The following SLC39A11 variants were observed in gnomAD, a reference collection of about 807,000 sequenced individuals.
The protein encoded by SLC39A11 is solute carrier family 39 member 11.
In SLC39A11, 33 loss-of-function variants were observed where a neutral mutation model predicts 36.1. The observed-to-expected ratio is 0.91, with a 90% CI of 0.69 to 1.22. The LOEUF is 1.22. Ranked by LOEUF, SLC39A11 falls within the 50% of genes most tolerant of loss-of-function variation. The pLI, the probability that SLC39A11 is intolerant of heterozygous loss-of-function variation, is 0.00. For synonymous variants in SLC39A11, 166 were observed against 170.3 expected, an observed-to-expected ratio of 0.97 and a Z score of 0.20; for missense variants, 432 against 430.3, an observed-to-expected ratio of 1.00 and a Z score of -0.03.
chr17:72,903,681 G>C (rs377194425), intron 5 of SLC39A11, among the ~76,000 whole-genome samples: 2 of 152,178 alleles, frequency 1.3e-5, no homozygotes, highest in African/African-American at 2.4e-5. Context: ...TGAAGGGGGA[G>C]GTGGAGAGAG....
intron 3 of SLC39A11, among the ~76,000 whole-genome samples, chr17:73,040,645 C>A (rs1270429274): frequency 1.3e-4 from 20 of 152,096 alleles, no homozygotes; most frequent in Admixed American, 1.3e-3. Context: ...TGCAACATTT[C>A]TTAAAATCTA....
intron 3 of SLC39A11, among the ~76,000 whole-genome samples, chr17:73,078,585 C>G (rs2060410092): frequency 6.6e-6 from 1 of 151,624 alleles, no homozygotes; most frequent in African/African-American, 2.4e-5. Flanking sequence ...CTTCCGGGTT[C>G]AAGCGATTCT....
intron 3 of SLC39A11, among the ~76,000 whole-genome samples, chr17:73,036,267 T>C (rs147919589): frequency 1.3e-5 from 2 of 152,312 alleles, no homozygotes; most frequent in African/African-American, 2.4e-5. Context: ...TTTAGATTGA[T>C]AGCAAAATTG....
At position 72,740,679 on chromosome 17, in the gene SLC39A11, T is replaced by C. The variant is rs79319559; in HGVS notation, c.602-3960A>G. On this transcript the variant is annotated intron_variant, in intron 6 of 9. Coordinates refer to ENST00000255559, the MANE Select transcript of SLC39A11 (RefSeq NM_139177.4). ...AACATGACGAAAACTACGTAAGAAC[T>C]GAGAGAGATCACTTTTTACGGGACT... Among the ~76,000 whole-genome samples the C allele has an allele frequency of 1.7e-3, 258 of 152,354 alleles. 7 individuals carry two copies. In the East Asian group the frequency reaches 0.044, roughly 26 times the overall value.
intron 6 of SLC39A11, among the ~76,000 whole-genome samples, chr17:72,740,546 T>C (rs1433593504): frequency 6.6e-6 from 1 of 152,200 alleles, no homozygotes; most frequent in Non-Finnish European, 1.5e-5. Context: ...GTTCATTTTT[T>C]CTTATAACGT....
chr17:72,714,213 G>A (rs1366415836), intron 7 of SLC39A11, among the ~76,000 whole-genome samples: 1 of 152,050 alleles, frequency 6.6e-6, no homozygotes, highest in Non-Finnish European at 1.5e-5. Context: ...AAACTTAGCT[G>A]GGTGTAGTGG....
At chr17:72,686,088 A>G (rs1302212182) in intron 7 of SLC39A11, among the ~76,000 whole-genome samples, 5 of 151,946 alleles carry the variant, frequency 3.3e-5, no homozygotes, top group African/African-American at 1.2e-4. Flanking sequence ...CTCCATCTGC[A>G]GGCTTGGTCT....
intron 6 of SLC39A11, among the ~76,000 whole-genome samples, chr17:72,803,424 T>C (rs971655465): frequency 6.6e-6 from 1 of 152,220 alleles, no homozygotes; most frequent in Non-Finnish European, 1.5e-5. Context: ...TTCAAAGGCA[T>C]GAAATGCCAC....
intron 4 of SLC39A11, among the ~76,000 whole-genome samples, chr17:72,986,035 C>T (rs2088721704): frequency 6.6e-6 from 1 of 152,192 alleles, no homozygotes; most frequent in Non-Finnish European, 1.5e-5. Context: ...GGAGCTCATC[C>T]TTCCCTGGAG....
chr17:73,050,322 G>GAAAA (rs1491559220), intron 3 of SLC39A11, among the ~76,000 whole-genome samples: 2 of 32,494 alleles, frequency 6.2e-5, no homozygotes, highest in African/African-American at 1.6e-4. Context: ...TCTGTTTGTG[G>GAAAA]CAAAAAAAAA....
intron 4 of SLC39A11, among the ~76,000 whole-genome samples, chr17:72,977,977 G>A (rs1314101792): frequency 2.0e-5 from 3 of 152,174 alleles, no homozygotes; most frequent in Non-Finnish European, 4.4e-5. Flanking sequence ...GTGAGTCACC[G>A]GGTCACCAGA....
At chr17:72,723,482 C>T (rs1266677560) in intron 7 of SLC39A11, among the ~76,000 whole-genome samples, 1 of 152,076 alleles carries the variant, frequency 6.6e-6, no homozygotes, top group Non-Finnish European at 1.5e-5. Context: ...ACCAGTGAGG[C>T]CAACCCCAAA....
At chr17:72,656,411 C>T (rs1021422153) in intron 7 of SLC39A11, among the ~76,000 whole-genome samples, 7 of 152,024 alleles carry the variant, frequency 4.6e-5, no homozygotes, top group South Asian at 2.1e-4. Flanking sequence ...AACCTGTCAC[C>T]GGAGCCTGAC....
intron 3 of SLC39A11, among the ~76,000 whole-genome samples, chr17:73,040,844 G>A (rs971639558): frequency 6.6e-6 from 1 of 151,932 alleles, no homozygotes; most frequent in Non-Finnish European, 1.5e-5. Context: ...AATTAGCCAG[G>A]TGTGGTGATG....
chr17:72,961,084 C>A (rs35037458), intron 4 of SLC39A11, among the ~76,000 whole-genome samples: 4,349 of 152,328 alleles, frequency 0.029, 96 homozygotes, highest in Middle Eastern at 0.044. Flanking sequence ...AAGACAGTCA[C>A]AAGCCACCAA....
At chr17:72,979,728 C>T (rs1446286781) in intron 4 of SLC39A11, among the ~76,000 whole-genome samples, 1 of 152,122 alleles carries the variant, frequency 6.6e-6, no homozygotes, top group East Asian at 1.9e-4. Context: ...CAACACAGGA[C>T]CCCAAAACAA....
At chr17:73,041,259 GA>G (rs1190456550) in intron 3 of SLC39A11, among the ~76,000 whole-genome samples, 1 of 152,204 alleles carries the variant, frequency 6.6e-6, no homozygotes, top group Non-Finnish European at 1.5e-5. Context: ...AGAAGGAAAG[GA>G]AGAGGACATG....
chr17:72,786,895 T>C (rs570871536), intron 6 of SLC39A11, among the ~76,000 whole-genome samples: 3 of 152,276 alleles, frequency 2.0e-5, no homozygotes, highest in East Asian at 3.9e-4. Context: ...TCTTGGCTCA[T>C]TGCAAACTCT....
chr17:72,808,944 T>A (rs923192175), intron 6 of SLC39A11, among the ~76,000 whole-genome samples: 4 of 152,218 alleles, frequency 2.6e-5, no homozygotes, highest in African/African-American at 4.8e-5. Flanking sequence ...CAGATTTGAG[T>A]AATAAACTGT....
Sources: gnomAD v4.1 joint callset for allele counts (sites outside exome capture counted in the v4.1 genomes callset) on GRCh38, gnomAD v4.1.1 for gene constraint, MANE v1.5 for transcripts, NCBI Gene and HGNC (gene_info 2026-07-23, HGNC 2026-07-21) for gene names.